C4orf51: variants seen among roughly 807,000 people sequenced by gnomAD.
The protein encoded by C4orf51 is chromosome 4 open reading frame 51.
A neutral mutation model predicts 25.2 loss-of-function variants in C4orf51; 25 were observed. The ratio of observed to expected loss-of-function variants is 0.99; its 90% confidence interval spans 0.72 to 1.39. C4orf51 has a LOEUF of 1.39. Among genes scored for constraint, C4orf51 ranks in the 40% most tolerant of loss-of-function variants. The pLI, the probability that C4orf51 is intolerant of heterozygous loss-of-function variation, is 0.00. For synonymous variants in C4orf51, 100 were observed against 84.5 expected, an observed-to-expected ratio of 1.18 and a Z score of -1.01; for missense variants, 252 against 239.6, an observed-to-expected ratio of 1.05 and a Z score of -0.34.
intron 1 of C4orf51, among the ~76,000 whole-genome samples, chr4:145,752,321 C>T (rs1733716649): frequency 6.6e-6 from 1 of 152,250 alleles, no homozygotes; most frequent in Middle Eastern, 3.4e-3. Flanking sequence ...ATCTGGGTAT[C>T]GCTGCTGGTT....
At chr4:145,756,795 TAA>T (rs1012360177), downstream of C4orf51, among the ~76,000 whole-genome samples, 1 of 152,080 alleles carries the variant, frequency 6.6e-6, no homozygotes, top group African/African-American at 2.4e-5. Flanking sequence ...GATGAAAAAA[TAA>T]AAGAGAAAAT....
chr4:145,687,004 G>GC (rs780406726), intron 1 of C4orf51, among the ~76,000 whole-genome samples: 146 of 131,262 alleles, frequency 1.1e-3, no homozygotes, highest in Non-Finnish European at 1.8e-3. Context: ...GGATCTTGTG[G>GC]GGGGGGCGGT....
rs1731047009 is a variant in C4orf51 at position 145,710,069 on chromosome 4, T to C, written c.307+13437T>C. Among the ~76,000 whole-genome samples, 2 of 152,176 alleles carry C rather than the reference T, an allele frequency of 1.3e-5. 1 individual carries two copies. Among genetic ancestry groups the C allele is most frequent in the Admixed American group, 1.3e-4 (2 of 15,284 alleles). Reference sequence around the variant, plus strand: ...ATGCAACACCAAAATATGTTAGCAGTGGAACGTACCTGAGTCACAGCACCA... The same window carrying C: ...ATGCAACACCAAAATATGTTAGCAGCGGAACGTACCTGAGTCACAGCACCA... On this transcript the variant is annotated intron_variant, in intron 2 of 5. Coordinates refer to ENST00000438731, the MANE Select transcript of C4orf51 (RefSeq NM_001080531.3).
the C4orf51 span, among the ~76,000 whole-genome samples, chr4:145,784,736 C>T: frequency 6.6e-6 from 1 of 152,114 alleles, no homozygotes; most frequent in African/African-American, 2.4e-5. Context: ...TAAATTTTTG[C>T]TCTTCTTCAT....
At chr4:145,722,830 G>A (rs1266773495) in intron 2 of C4orf51, among the ~76,000 whole-genome samples, 1 of 152,122 alleles carries the variant, frequency 6.6e-6, no homozygotes, top group Non-Finnish European at 1.5e-5. Context: ...GGTAGCATGA[G>A]ATTCTCCTAG....
At chr4:145,767,170 T>C (rs1691142564) in intron 1 of C4orf51, among the ~76,000 whole-genome samples, 1 of 152,180 alleles carries the variant, frequency 6.6e-6, no homozygotes, top group Admixed American at 6.5e-5. Context: ...GTGACTGTAT[T>C]TCATATGTTC....
chr4:145,701,933 C>T (rs1730474548), intron 2 of C4orf51, among the ~76,000 whole-genome samples: 1 of 152,048 alleles, frequency 6.6e-6, no homozygotes. Flanking sequence ...TTCTCCCCAA[C>T]CCAAAGCCTC....
At chr4:145,695,303 A>G (rs1207531153) in intron 1 of C4orf51, among the ~76,000 whole-genome samples, 2 of 152,122 alleles carry the variant, frequency 1.3e-5, no homozygotes, top group South Asian at 2.1e-4. Flanking sequence ...ATGGTATCCC[A>G]TTGTAGTTTT....
chr4:145,764,863 C>T, intron 1 of C4orf51: 2 of 1,340,556 alleles, frequency 1.5e-6, no homozygotes, highest in Non-Finnish European at 2.1e-6. Context: ...TCCTGACTAA[C>T]TCCTCTCATA....
chr4:145,780,969 G>A, the C4orf51 span, among the ~76,000 whole-genome samples: 23 of 152,280 alleles, frequency 1.5e-4, no homozygotes, highest in Non-Finnish European at 2.6e-4. Context: ...GGCCGAGGCA[G>A]GGGGATCACA....
chr4:145,715,482 C>T (rs1731359683), intron 2 of C4orf51, among the ~76,000 whole-genome samples: 1 of 152,136 alleles, frequency 6.6e-6, no homozygotes, highest in African/African-American at 2.4e-5. Flanking sequence ...TCTCTTGGCA[C>T]TGAGTTGTGC....
At chr4:145,733,172 C>A, downstream of C4orf51, among the ~76,000 whole-genome samples, 1 of 152,074 alleles carries the variant, frequency 6.6e-6, no homozygotes, top group Non-Finnish European at 1.5e-5. Context: ...GCCTGCCCCT[C>A]CCCTCCCCGG....
intron 2 of C4orf51, among the ~76,000 whole-genome samples, chr4:145,706,954 G>A (rs965713602): frequency 1.3e-5 from 2 of 151,994 alleles, no homozygotes; most frequent in Admixed American, 6.6e-5. Flanking sequence ...TGGGATTACA[G>A]GTGCCCACGA....
chr4:145,741,629 G>C (rs137993201), intron 1 of C4orf51, among the ~76,000 whole-genome samples: 1 of 152,306 alleles, frequency 6.6e-6, no homozygotes, highest in Non-Finnish European at 1.5e-5. Flanking sequence ...ATTTCCCTGA[G>C]AGAGAAGGAA....
In C4orf51 at chr4:145,690,753, C is replaced by G. The variant is rs140793856; in HGVS notation, c.234-5806C>G. Reference sequence around the variant, plus strand: ...TATGCATCCAACAAAGGACTACTATCCAGAATCCACAAGGAACTTAAATCA... The same window carrying G: ...TATGCATCCAACAAAGGACTACTATGCAGAATCCACAAGGAACTTAAATCA... On this transcript the variant is annotated intron_variant, in intron 1 of 5. Transcript: ENST00000438731. 2.6e-3 allele frequency among the ~76,000 whole-genome samples: 389 copies of G among 152,234 alleles called. 1 individual carries two copies. The highest frequency in any genetic ancestry group is 8.5e-3 in the African/African-American group (351 of 41,532).
the C4orf51 span, chr4:145,776,077 G>A: frequency 1.2e-4 from 145 of 1,172,482 alleles, 1 homozygote; most frequent in South Asian, 1.9e-3. Flanking sequence ...TATTTCAGAT[G>A]GAGACAATGG....
At chr4:145,772,740 C>T (rs574712109), downstream of C4orf51, among the ~76,000 whole-genome samples, 1 of 152,352 alleles carries the variant, frequency 6.6e-6, no homozygotes, top group African/African-American at 2.4e-5. Context: ...ATTAAAGGCT[C>T]CTACTGAATT....
At chr4:145,685,622 T>C (rs1214152712) in intron 1 of C4orf51, among the ~76,000 whole-genome samples, 1 of 152,226 alleles carries the variant, frequency 6.6e-6, no homozygotes, top group Non-Finnish European at 1.5e-5. Context: ...TGCTTTTCTA[T>C]ACAATGTCTG....
Position 145,763,943 on chromosome 4 carries a change from G to A in C4orf51, n.167-7045G>A, listed in dbSNP as rs896645170. On this transcript the variant is annotated intron_variant and non_coding_transcript_variant, in intron 1 of 1. Transcript: ENST00000510096. The surrounding 1 kb of genome is among the most constrained non-coding windows in gnomAD (Gnocchi z 4.6). Reference sequence around the variant, plus strand: ...TCTTCTATGTGGGGGAGTTTTTGAGGAGGCAGGGGCCTGGGGGGACCCAAC... The same window carrying A: ...TCTTCTATGTGGGGGAGTTTTTGAGAAGGCAGGGGCCTGGGGGGACCCAAC... Among the ~76,000 whole-genome samples, 1 of 151,996 alleles carries A rather than the reference G, an allele frequency of 6.6e-6. No homozygotes were observed. The highest frequency in any genetic ancestry group is 2.4e-5 in the African/African-American group (1 of 41,352).
Sources: allele counts gnomAD v4.1 joint callset (sites outside exome capture counted in the v4.1 genomes callset), GRCh38; gene constraint gnomAD v4.1.1; non-coding constraint Gnocchi (gnomAD v3.1); transcripts MANE v1.5; gene names NCBI Gene and HGNC (gene_info 2026-07-23, HGNC 2026-07-21).